CPAMD8: variants seen among roughly 807,000 people sequenced by gnomAD.
CPAMD8 encodes the protein C3 and PZP like alpha-2-macroglobulin domain containing 8, also known as C3 and PZP-like alpha-2-macroglobulin domain-containing protein 8.
A neutral mutation model predicts 224.7 loss-of-function variants in CPAMD8; 146 were observed. The ratio of observed to expected loss-of-function variants is 0.65; its 90% CI spans 0.57 to 0.75. The LOEUF (loss-of-function observed/expected upper bound fraction) is 0.75, where lower values mean the gene tolerates loss of function less well. CPAMD8 is among the 30% of genes least tolerant of loss of function. The pLI, the probability that CPAMD8 is intolerant of heterozygous loss-of-function variation, is 0.00. For synonymous variants in CPAMD8, 966 were observed against 1,044.6 expected (o/e 0.92, Z 1.45); for missense variants, 2,301 against 2,537.5 (o/e 0.91, Z 2.00).
At position 16,989,723 on chromosome 19, in the gene CPAMD8, G is replaced by A; in HGVS notation, c.1315C>T (p.Pro439Ser). The change falls in exon 13 of 42, where the codon CCC (proline) becomes TCC (serine). Residue 439 changes from proline to serine, a missense_variant. Physicochemically the swap from Pro to Ser is moderately conservative, Grantham distance 74 (BLOSUM62 -1). This residue lies in a region of CPAMD8 where 301 missense variants were observed against 406.6 expected (regional missense o/e 0.74). Coordinates refer to ENST00000443236, the MANE Select transcript of CPAMD8 (RefSeq NM_015692.5). The stretch of plus-strand genomic sequence containing the variant: ...CAGCTGCCGAGGGAGAGGTAGCTGG[G>A]CAGGTACTGAGCCCCCACAGGCTTC... ...NGKPVGAQYLPSYLSLGSWYS... is the reference protein window; with the variant it reads ...NGKPVGAQYLSSYLSLGSWYS... The A allele has an allele frequency of 1.2e-6, 2 of 1,613,924 alleles. No individual in the cohort carries two copies. The highest frequency in any genetic ancestry group is 1.3e-5 in the African/African-American group (1 of 75,024).
chr19:16,909,254 A>T (rs929044204), intron 29 of CPAMD8, among the ~76,000 whole-genome samples: 6 of 152,060 alleles, frequency 3.9e-5, no homozygotes, highest in African/African-American at 4.8e-5. Context: ...TCTTTAAAAA[A>T]TTTTTTTTGG....
At chr19:16,957,636 C>A in intron 19 of CPAMD8, 1 of 585,508 alleles carries the variant, frequency 1.7e-6, no homozygotes, top group East Asian at 2.8e-5. Context: ...AGGCACAAAG[C>A]CCTTGCATTT....
At chr19:16,982,063 C>T (rs1036204556) in intron 13 of CPAMD8, among the ~76,000 whole-genome samples, 2 of 152,112 alleles carry the variant, frequency 1.3e-5, no homozygotes, top group African/African-American at 4.8e-5. Flanking sequence ...TGAGACCAGC[C>T]TGGGCAACAA....
Position 16,975,992 on chromosome 19 carries a change from G to A in CPAMD8, c.1908+10C>T. On this transcript the variant is annotated intron_variant, in intron 16 of 41. Transcript: ENST00000443236. Reference sequence around the variant, plus strand: ...GAGGTCTAGAACCCAAGCCCGAGGGGTCTGCTCACCTGGGCAGGAGTCAGC... The same window carrying A: ...GAGGTCTAGAACCCAAGCCCGAGGGATCTGCTCACCTGGGCAGGAGTCAGC... 1.3e-6 allele frequency: 2 copies of A among 1,578,250 alleles called. No homozygotes were observed. Among genetic ancestry groups the A allele is most frequent in the Non-Finnish European group, 1.7e-6 (2 of 1,161,026 alleles).
At chr19:16,984,980 T>G (rs2055663120) in intron 13 of CPAMD8, among the ~76,000 whole-genome samples, 1 of 152,200 alleles carries the variant, frequency 6.6e-6, no homozygotes, top group African/African-American at 2.4e-5. Flanking sequence ...TAAATTACAT[T>G]TTTAGGGTAC....
chr19:16,977,438 TAGA>T lies in CPAMD8; in HGVS notation c.1685_1687del (p.Phe562del). On this transcript the variant is annotated inframe_deletion, in exon 15 of 42. Transcript: ENST00000443236. The stretch of plus-strand genomic sequence containing the variant: ...GACCCCTTCTCCATTCTCCCTGACG[TAGA>T]AGACCAGCAGGCGACCAAGGGGGAC... The T allele has an allele frequency of 6.2e-7, 1 of 1,612,100 alleles. No homozygotes were observed. The highest frequency in any genetic ancestry group is 8.5e-7 in the Non-Finnish European group (1 of 1,178,628).
intron 7 of CPAMD8, among the ~76,000 whole-genome samples, chr19:17,007,094 G>A (rs1338908588): frequency 6.6e-6 from 1 of 151,942 alleles, no homozygotes; most frequent in Non-Finnish European, 1.5e-5. Flanking sequence ...GCACTTTTCC[G>A]AGGCCGAGGC....
intron 3 of CPAMD8, among the ~76,000 whole-genome samples, chr19:17,019,737 AT>A (rs10717101): frequency 0.66 from 97,325 of 146,854 alleles, 32,315 homozygotes; most frequent in South Asian, 0.78. Context: ...TAATTTTTGT[AT>A]TTTTTTTTTT....
intron 22 of CPAMD8, among the ~76,000 whole-genome samples, chr19:16,939,203 G>C (rs7247615): frequency 0.025 from 2,565 of 104,442 alleles, 82 homozygotes; most frequent in African/African-American, 0.078. Context: ...ATCTATCTAT[G>C]TATCTATCTA....
intron 18 of CPAMD8, among the ~76,000 whole-genome samples, chr19:16,960,442 T>C (rs1201422837): frequency 1.4e-5 from 2 of 146,974 alleles, no homozygotes; most frequent in African/African-American, 4.9e-5. Context: ...TGGTGGACTA[T>C]TATATATTTG....
At chr19:16,989,394 C>A (rs1030561336) in intron 13 of CPAMD8, among the ~76,000 whole-genome samples, 1 of 152,132 alleles carries the variant, frequency 6.6e-6, no homozygotes, top group African/African-American at 2.4e-5. Flanking sequence ...TCAAGCAATT[C>A]TCCTGCCTCA....
At chr19:16,999,094 A>G (rs1409619668) in intron 10 of CPAMD8, among the ~76,000 whole-genome samples, 1 of 152,236 alleles carries the variant, frequency 6.6e-6, no homozygotes, top group African/African-American at 2.4e-5. Flanking sequence ...GACATATAGC[A>G]TATGATTCAT....
At chr19:16,935,411 T>G (rs772472007) in intron 23 of CPAMD8, among the ~76,000 whole-genome samples, 1 of 152,138 alleles carries the variant, frequency 6.6e-6, no homozygotes, top group Admixed American at 6.6e-5. Context: ...ATCCATCCCC[T>G]ACTTCCTTCT....
intron 29 of CPAMD8, among the ~76,000 whole-genome samples, chr19:16,912,587 A>G (rs902429754): frequency 6.6e-6 from 1 of 152,186 alleles, no homozygotes; most frequent in African/African-American, 2.4e-5. Context: ...GGTCTCTACT[A>G]AAAATACGAA....
intron 13 of CPAMD8, among the ~76,000 whole-genome samples, chr19:16,985,632 G>A (rs143349580): frequency 4.1e-4 from 60 of 145,912 alleles, no homozygotes; most frequent in East Asian, 3.5e-3. Context: ...GAAGGGAGGC[G>A]CAGAGGGAGG....
At chr19:16,989,291 C>T (rs1034419942) in intron 13 of CPAMD8, among the ~76,000 whole-genome samples, 1 of 152,070 alleles carries the variant, frequency 6.6e-6, no homozygotes, top group Admixed American at 6.6e-5. Flanking sequence ...GGGGCTCACT[C>T]ATGCTGTGTC....
Position 16,993,428 on chromosome 19 carries a change from G to T in CPAMD8, c.1254C>A (p.His418Gln). The T allele has an allele frequency of 6.2e-7, 1 of 1,613,072 alleles. No individual in the cohort carries two copies. The highest frequency in any genetic ancestry group is 8.5e-7 in the Non-Finnish European group (1 of 1,179,490). Reference sequence around the variant, plus strand: ...GGGACTCACCCACCTCCAGCCACACGTGCTGGGCTGACGTGGGGATGGAGG... The same window carrying T: ...GGGACTCACCCACCTCCAGCCACACTTGCTGGGCTGACGTGGGGATGGAGG... ...EIPSIPTSAQHVWLETKVMAL... is the reference protein window; with the variant it reads ...EIPSIPTSAQQVWLETKVMAL... The change falls in exon 12 of 42, where the codon CAC becomes CAA. Residue 418 changes from histidine to glutamine, a missense_variant. Transcript: ENST00000443236.
At chr19:17,009,393 G>A in intron 5 of CPAMD8, 73 bp from the exon 6 acceptor site, 1 of 1,611,536 alleles carries the variant, frequency 6.2e-7, no homozygotes, top group Non-Finnish European at 8.5e-7. Context: ...GCTCATGCAT[G>A]GCCTCGGTCC....
At chr19:16,971,721 TG>T (rs1211588107) in intron 17 of CPAMD8, among the ~76,000 whole-genome samples, 1 of 151,994 alleles carries the variant, frequency 6.6e-6, no homozygotes, top group Non-Finnish European at 1.5e-5. Flanking sequence ...TTTTAAACGG[TG>T]AGTTTTATGT....
Sources: allele counts gnomAD v4.1 joint callset (sites outside exome capture counted in the v4.1 genomes callset), GRCh38; gene constraint gnomAD v4.1.1; regional missense constraint gnomAD v4.1.1; transcripts MANE v1.5; gene names NCBI Gene and HGNC (gene_info 2026-07-23, HGNC 2026-07-21).